PAIP2: variants seen among roughly 807,000 people sequenced by gnomAD.
PAIP2 encodes the protein polyadenylate-binding protein-interacting protein 2.
In PAIP2, 7 loss-of-function variants were observed where a neutral mutation model predicts 14.8. The observed-to-expected ratio is 0.47, with a 90% CI of 0.27 to 0.89. PAIP2 has a LOEUF of 0.89. Among genes scored for constraint, PAIP2 ranks in the 40% least tolerant of loss-of-function variants. The pLI, the probability that PAIP2 is intolerant of heterozygous loss-of-function variation, is 0.13. For synonymous variants in PAIP2, 47 were observed against 45.3 expected, an observed-to-expected ratio of 1.04 and a Z score of -0.15; for missense variants, 122 against 154.7, an observed-to-expected ratio of 0.79 and a Z score of 1.12.
intron 3 of PAIP2, chr5:139,367,207 A>G (rs1337321912): frequency 1.3e-5 from 2 of 152,232 alleles, no homozygotes; most frequent in African/African-American, 4.8e-5. Flanking sequence ...TATTTCTTCA[A>G]CATGATGTTT....
intron 3 of PAIP2, chr5:139,367,383 G>T (rs1757314792): frequency 6.6e-6 from 1 of 152,078 alleles, no homozygotes; most frequent in Non-Finnish European, 1.5e-5. Context: ...CTTCCTAGAT[G>T]CTGACAAGTC....
intron 1 of PAIP2, among the ~76,000 whole-genome samples, chr5:139,353,125 A>G (rs894491616): frequency 8.6e-5 from 13 of 151,808 alleles, no homozygotes; most frequent in African/African-American, 2.9e-4. Context: ...AAAAAAAGTA[A>G]CAGCTGAGTA....
chr5:139,353,544 A>G (rs1304344278), intron 1 of PAIP2, among the ~76,000 whole-genome samples: 5 of 152,154 alleles, frequency 3.3e-5, no homozygotes, highest in African/African-American at 1.2e-4. Flanking sequence ...ATATCAGCTT[A>G]GTTTCAAGTG....
intron 1 of PAIP2, among the ~76,000 whole-genome samples, chr5:139,348,609 G>A (rs536205128): frequency 4.0e-5 from 6 of 151,416 alleles, no homozygotes; most frequent in East Asian, 2.0e-4. Context: ...TGCCCACCTC[G>A]GCCTCCCAAA....
chr5:139,359,128 C>A (rs1344120052), intron 1 of PAIP2, among the ~76,000 whole-genome samples: 2 of 151,994 alleles, frequency 1.3e-5, no homozygotes, highest in Non-Finnish European at 2.9e-5. Flanking sequence ...GCGTGCACCA[C>A]CACACCCAGC....
At position 139,344,336 on chromosome 5, in the gene PAIP2, T is replaced by C. The variant is rs185102156; in HGVS notation, c.-27+2356T>C. On this transcript the variant is annotated intron_variant, in intron 1 of 3. Transcript: ENST00000265192. ...CATAGCTGGGATTTGAACCTACGTC[T>C]TCTGACTGTGGTCTAAGATTAAAGT... 1.9e-4 allele frequency among the ~76,000 whole-genome samples: 29 copies of C among 152,352 alleles called. No individual in the cohort carries two copies. The South Asian group carries it at 5.6e-3, about 29-fold the overall frequency.
chr5:139,364,068 T>G, intron 2 of PAIP2, 146 bp downstream of exon 2: 7 of 692,492 alleles, frequency 1.0e-5, no homozygotes, highest in Non-Finnish European at 1.7e-5. Flanking sequence ...GGCTGCTGAT[T>G]ACTACCAGGC....
intron 1 of PAIP2, among the ~76,000 whole-genome samples, chr5:139,350,630 C>CA (rs551168490): frequency 1.1e-3 from 143 of 128,322 alleles, no homozygotes; most frequent in Non-Finnish European, 1.9e-3. Context: ...GACTCTGTCT[C>CA]AAAAAAATAA....
At chr5:139,351,485 T>G (rs2152047562) in intron 1 of PAIP2, among the ~76,000 whole-genome samples, 1 of 152,322 alleles carries the variant, frequency 6.6e-6, no homozygotes, top group Non-Finnish European at 1.5e-5. Context: ...TTTAATATAA[T>G]TCTGTTAAAA....
chr5:139,359,751 C>T (rs1197088767), intron 1 of PAIP2, among the ~76,000 whole-genome samples: 1 of 151,468 alleles, frequency 6.6e-6, no homozygotes, highest in African/African-American at 2.4e-5. Context: ...GGGCGGATCA[C>T]TTGAGGTCAG....
rs189348183 is a variant in PAIP2 at position 139,362,203 on chromosome 5, C to A, written c.-26-1556C>A. The stretch of plus-strand genomic sequence containing the variant: ...CACTTGATGACTCAGTCTTTCAGAC[C>A]GTGTTTGGTTTTTGTTGTTGTTGTT... On this transcript the variant is annotated intron_variant, in intron 1 of 3. Coordinates refer to ENST00000265192, the MANE Select transcript of PAIP2 (RefSeq NM_016480.5). Among the ~76,000 whole-genome samples, 59 of 151,916 alleles carry A rather than the reference C, an allele frequency of 3.9e-4. 1 individual carries two copies. The highest frequency in any genetic ancestry group is 5.9e-5 in the Non-Finnish European group (4 of 67,954).
chr5:139,362,497 G>A (rs1165906168), intron 1 of PAIP2, among the ~76,000 whole-genome samples: 2 of 137,368 alleles, frequency 1.5e-5, no homozygotes, highest in Admixed American at 8.2e-5. Context: ...CACAGCCTCC[G>A]CCTCCCGGGT....
At position 139,363,936 on chromosome 5, in the gene PAIP2, A is replaced by G; in HGVS notation, c.138+14A>G. 1.2e-6 allele frequency: 2 copies of G among 1,611,216 alleles called. No homozygotes were observed. Among genetic ancestry groups the G allele is most frequent in the African/African-American group, 1.3e-5 (1 of 74,978 alleles). On this transcript the variant is annotated intron_variant, in intron 2 of 3. Coordinates refer to ENST00000265192, the MANE Select transcript of PAIP2 (RefSeq NM_016480.5). Reference sequence around the variant, plus strand: ...TTCAACAGACAAGTTAGTTTTTTGTACAAACATGTTTTTATAGTCCATTCT... The same window carrying G: ...TTCAACAGACAAGTTAGTTTTTTGTGCAAACATGTTTTTATAGTCCATTCT...
At chr5:139,353,073 C>T (rs549428023) in intron 1 of PAIP2, among the ~76,000 whole-genome samples, 2 of 151,322 alleles carry the variant, frequency 1.3e-5, no homozygotes, top group African/African-American at 4.8e-5. Context: ...AGCCATTGCA[C>T]TCCAGCCTGG....
chr5:139,364,606 T>G lies in PAIP2; in HGVS notation c.181T>G (p.Phe61Val). 6.2e-7 allele frequency: 1 copy of G among 1,610,480 alleles called. No individual in the cohort carries two copies. Among genetic ancestry groups the G allele is most frequent in the Non-Finnish European group, 8.5e-7 (1 of 1,176,820 alleles). ...LWEEEFIERC[F>V]QEMLEEEEEH... ...GGAAGAAGAATTTATTGAACGCTGT[T>G]TCCAAGAAATGCTGGAAGAGGAAGA... The change falls in exon 3 of 4, where the codon TTC becomes GTC. Residue 61 changes from phenylalanine to valine, a missense_variant. Phe to Val is a conservative substitution (Grantham distance 50). This residue lies in a region of PAIP2 where 34 missense variants were observed against 74.0 expected (regional missense o/e 0.46). Coordinates refer to ENST00000265192, the MANE Select transcript of PAIP2 (RefSeq NM_016480.5).
chr5:139,353,582 C>G (rs964459300), intron 1 of PAIP2, among the ~76,000 whole-genome samples: 1 of 152,030 alleles, frequency 6.6e-6, no homozygotes, highest in Non-Finnish European at 1.5e-5. Context: ...AGCTTCCTGT[C>G]GCCCACCATT....
intron 1 of PAIP2, among the ~76,000 whole-genome samples, chr5:139,352,496 TTTGTTG>T (rs1188761284): frequency 1.3e-4 from 12 of 92,786 alleles, no homozygotes; most frequent in African/African-American, 2.9e-4. Context: ...CAGTTTTTTT[TTTGTTG>T]TTTTTTTTTT....
At chr5:139,353,619 A>G (rs1756818311) in intron 1 of PAIP2, among the ~76,000 whole-genome samples, 1 of 152,186 alleles carries the variant, frequency 6.6e-6, no homozygotes, top group African/African-American at 2.4e-5. Flanking sequence ...TGTAATTACA[A>G]AATAATTACA....
In PAIP2 at chr5:139,364,693, C is replaced by T. The variant is rs1346438015; in HGVS notation, c.268C>T (p.Gln90Ter). ...LPQTMDQIQD[Q>*]FNDLVISDGS... ...ACAAACTATGGACCAAATCCAAGAC[C>T]AGTTTAATGACCTTGTTATCAGTGA... The change falls in exon 3 of 4, where the codon CAG becomes TAG. Residue 90 changes from glutamine (Q) to a stop codon, truncating the protein, a stop_gained. Coordinates refer to ENST00000265192, the MANE Select transcript of PAIP2 (RefSeq NM_016480.5). LOFTEE classifies it high-confidence loss of function. The T allele has an allele frequency of 6.2e-7, 1 of 1,612,892 alleles. No individual in the cohort carries two copies.
Sources: allele counts gnomAD v4.1 joint callset (sites outside exome capture counted in the v4.1 genomes callset), GRCh38; gene constraint gnomAD v4.1.1; regional missense constraint gnomAD v4.1.1; transcripts MANE v1.5; gene names NCBI Gene and HGNC (gene_info 2026-07-23, HGNC 2026-07-21).